The following METTL15 variants were observed in gnomAD, a reference collection of about 807,000 sequenced individuals.
METTL15 encodes methyltransferase 15, mitochondrial 12S rRNA N4-cytidine, also known as 12S rRNA N(4)-cytidine methyltransferase METTL15.
METTL15 carries 34 observed loss-of-function variants against 38.3 expected under a neutral mutation model. That is an observed-to-expected ratio of 0.89 (90% CI 0.68 to 1.18). The LOEUF (loss-of-function observed/expected upper bound fraction) is 1.18. Ranked by LOEUF, METTL15 falls within the 50% of genes most tolerant of loss-of-function variation. The probability of loss-of-function intolerance (pLI) is 0.00; values close to 1 mark genes in which losing one functional copy is unlikely to be tolerated. For missense variants in METTL15, 438 were observed against 498.4 expected (o/e 0.88, Z 1.15); for synonymous variants, 162 against 170.9 (o/e 0.95, Z 0.41).
intron 3 of METTL15, among the ~76,000 whole-genome samples, chr11:28,338,568 T>C (rs1849922246): frequency 6.6e-6 from 1 of 152,122 alleles, no homozygotes; most frequent in Admixed American, 6.6e-5. Context: ...GTGAATTGTT[T>C]ACAAGGTAGT....
intron 5 of METTL15, among the ~76,000 whole-genome samples, chr11:28,291,610 T>C (rs1467276803): frequency 6.6e-6 from 1 of 152,192 alleles, no homozygotes; most frequent in Admixed American, 6.6e-5. Context: ...CTAAGTGTTA[T>C]ACCTTCTTTT....
intron 6 of METTL15, among the ~76,000 whole-genome samples, chr11:28,492,813 G>A (rs545927275): frequency 2.6e-4 from 40 of 152,096 alleles, no homozygotes; most frequent in Non-Finnish European, 4.7e-4. Flanking sequence ...CTAGTATGGC[G>A]TCTAGCCTCA....
At chr11:28,366,027 G>A (rs1193338109) in intron 5 of METTL15, among the ~76,000 whole-genome samples, 1 of 152,138 alleles carries the variant, frequency 6.6e-6, no homozygotes, top group Non-Finnish European at 1.5e-5. Flanking sequence ...CCCAGCCTGG[G>A]TGACAAAGTG....
chr11:28,341,568 A>G (rs929506888), intron 3 of METTL15, among the ~76,000 whole-genome samples: 53 of 152,220 alleles, frequency 3.5e-4, no homozygotes, highest in African/African-American at 1.2e-3. Flanking sequence ...ACCTCATTTT[A>G]CTCTTCTGAA....
chr11:28,508,877 C>T (rs545573183), intron 6 of METTL15, among the ~76,000 whole-genome samples: 1 of 152,302 alleles, frequency 6.6e-6, no homozygotes, highest in Admixed American at 6.5e-5. Context: ...GACCAAAGTA[C>T]CTGGTCCTGG....
intron 5 of METTL15, among the ~76,000 whole-genome samples, chr11:28,388,603 C>A (rs960271426): frequency 3.3e-5 from 5 of 152,010 alleles, no homozygotes; most frequent in Non-Finnish European, 7.4e-5. Flanking sequence ...GATTACAAGA[C>A]AATATTGTTA....
rs1231967773 is a variant in METTL15 at position 28,181,247 on chromosome 11, A to AATT, written c.271-29815_271-29814insATT. 1.6e-3 allele frequency among the ~76,000 whole-genome samples: 184 copies of AATT among 113,078 alleles called. 1 individual carries two copies. The highest frequency in any genetic ancestry group is 3.1e-3 in the Non-Finnish European group (154 of 50,092). 74.2% of individuals were successfully genotyped at this position (113,078 alleles called of 152,430 possible). A position where few individuals can be genotyped will look rare whatever the true frequency, so the allele number is the denominator to read the frequency against. Reference sequence around the variant, plus strand: ...CTAAAGATAACACGTTTATTTATTTATTTAATTTTTAATTTTTTTTTTTTT... The same window carrying AATT: ...CTAAAGATAACACGTTTATTTATTTAATTTTTAATTTTTAATTTTTTTTTTTTT... On this transcript the variant is annotated intron_variant, in intron 3 of 6. Transcript: ENST00000407364.
At chr11:28,476,671 G>T (rs1478181115) in intron 6 of METTL15, among the ~76,000 whole-genome samples, 1 of 152,192 alleles carries the variant, frequency 6.6e-6, no homozygotes, top group Non-Finnish European at 1.5e-5. Flanking sequence ...GCCCTGGAAT[G>T]CTATGTTGTT....
intron 3 of METTL15, among the ~76,000 whole-genome samples, chr11:28,179,330 C>G (rs1018146781): frequency 5.3e-5 from 8 of 151,662 alleles, no homozygotes; most frequent in Admixed American, 4.6e-4. Context: ...TAAGTGAAGT[C>G]TAGAATGCAT....
intron 5 of METTL15, among the ~76,000 whole-genome samples, chr11:28,367,083 T>C (rs900853513): frequency 1.3e-5 from 2 of 151,912 alleles, no homozygotes; most frequent in Non-Finnish European, 2.9e-5. Context: ...AAGAGAAGAC[T>C]GAAATGTAGT....
chr11:28,263,780 C>T (rs1041305095), intron 4 of METTL15, among the ~76,000 whole-genome samples: 13 of 152,042 alleles, frequency 8.6e-5, no homozygotes, highest in South Asian at 2.1e-4. Flanking sequence ...GTGAATATCT[C>T]TGATACTTGG....
chr11:28,495,584 G>A (rs1851529237), intron 6 of METTL15, among the ~76,000 whole-genome samples: 1 of 152,006 alleles, frequency 6.6e-6, no homozygotes, highest in Non-Finnish European at 1.5e-5. Flanking sequence ...GAAAGTTTAT[G>A]TTTGCTTATA....
chr11:28,378,241 G>T (rs887166851), intron 5 of METTL15, among the ~76,000 whole-genome samples: 1 of 152,182 alleles, frequency 6.6e-6, no homozygotes, highest in African/African-American at 2.4e-5. Context: ...AATGGCGGGC[G>T]CCCCTCCCCC....
intron 5 of METTL15, among the ~76,000 whole-genome samples, chr11:28,390,013 G>A (rs1034687960): frequency 3.4e-4 from 52 of 151,648 alleles, no homozygotes; most frequent in Admixed American, 3.4e-3. Context: ...TGTGTCTTTT[G>A]GCTGCATAAA....
intron 3 of METTL15, among the ~76,000 whole-genome samples, chr11:28,340,130 G>C (rs1202488519): frequency 6.6e-6 from 1 of 151,982 alleles, no homozygotes; most frequent in African/African-American, 2.4e-5. Flanking sequence ...AAGAAACAAG[G>C]ATTCAATTCT....
chr11:28,123,479 C>T (rs1245781338), intron 3 of METTL15, among the ~76,000 whole-genome samples: 1 of 152,068 alleles, frequency 6.6e-6, no homozygotes, highest in African/African-American at 2.4e-5. Flanking sequence ...GTTGCAAGGC[C>T]TTATGGTGAC....
chr11:28,279,044 T>A (rs1393039922), intron 4 of METTL15, among the ~76,000 whole-genome samples: 3 of 152,128 alleles, frequency 2.0e-5, no homozygotes, highest in Non-Finnish European at 4.4e-5. Context: ...CCAGGATGGT[T>A]TCAAACTCTT....
intron 3 of METTL15, chr11:28,123,761 C>A: frequency 1.4e-6 from 1 of 691,504 alleles, no homozygotes; most frequent in Non-Finnish European, 2.2e-6. Context: ...TTATCTTTGT[C>A]CTATTTGGCC....
intron 4 of METTL15, among the ~76,000 whole-genome samples, chr11:28,235,734 C>G (rs1210605739): frequency 6.6e-6 from 1 of 152,076 alleles, no homozygotes; most frequent in Non-Finnish European, 1.5e-5. Flanking sequence ...TCTAGATATA[C>G]AATCATGTCA....
Sources: gnomAD v4.1 joint callset for allele counts (sites outside exome capture counted in the v4.1 genomes callset) on GRCh38, gnomAD v4.1.1 for gene constraint, MANE v1.5 for transcripts, NCBI Gene and HGNC (gene_info 2026-07-23, HGNC 2026-07-21) for gene names.